The following SLC36A1 variants were observed in gnomAD, a reference collection of about 807,000 sequenced individuals.
SLC36A1 encodes solute carrier family 36 member 1, also known as proton-coupled amino acid transporter 1.
SLC36A1 carries 30 observed loss-of-function variants against 47.5 expected under a neutral mutation model. That is an observed-to-expected ratio of 0.63 (90% confidence interval 0.47 to 0.86). SLC36A1 has a LOEUF of 0.86. Among genes scored for constraint, SLC36A1 ranks in the 40% least tolerant of loss-of-function variants. The pLI is 0.00. For missense variants in SLC36A1, 517 were observed against 606.0 expected, an observed-to-expected ratio of 0.85 and a Z score of 1.54; for synonymous variants, 255 against 249.7, an observed-to-expected ratio of 1.02 and a Z score of -0.20.
chr5:151,350,632 A>AT, the SLC36A1 span, among the ~76,000 whole-genome samples: 1 of 145,578 alleles, frequency 6.9e-6, no homozygotes, highest in Admixed American at 6.8e-5. Flanking sequence ...AAATATCACC[A>AT]TTAAAAAAAA....
chr5:151,544,153 T>C, the SLC36A1 span: 3,493 of 1,614,214 alleles, frequency 2.2e-3, 9 homozygotes, highest in Non-Finnish European at 2.7e-3. Flanking sequence ...TGTGCTCCCA[T>C]TGATCTGGAA....
the SLC36A1 span, chr5:151,512,194 C>T: frequency 6.2e-7 from 1 of 1,614,126 alleles, no homozygotes. This position sits in a 1 kb window ranked among gnomAD's most constrained non-coding sequence, Gnocchi z 4.1. Flanking sequence ...GCACTTCCCA[C>T]CATTGAGGCA....
chr5:151,540,656 C>T, the SLC36A1 span: 1 of 1,614,230 alleles, frequency 6.2e-7, no homozygotes, highest in Non-Finnish European at 8.5e-7. Flanking sequence ...GATGCTGTGA[C>T]TCTGAGCAAG....
At chr5:151,457,279 T>C (rs1451631338) in intron 1 of SLC36A1, among the ~76,000 whole-genome samples, 2 of 151,980 alleles carry the variant, frequency 1.3e-5, no homozygotes, top group Non-Finnish European at 2.9e-5. Context: ...TCTTTTAGCA[T>C]TGATTCTTCA....
At chr5:151,424,867 T>C in the SLC36A1 span, among the ~76,000 whole-genome samples, 2 of 152,114 alleles carry the variant, frequency 1.3e-5, no homozygotes, top group African/African-American at 4.8e-5. Flanking sequence ...CAGAAAGTTT[T>C]TAGGGGCAAT....
chr5:151,513,697 A>T, the SLC36A1 span, among the ~76,000 whole-genome samples: 2 of 152,200 alleles, frequency 1.3e-5, no homozygotes, highest in Admixed American at 1.3e-4. Context: ...CCTATGATAC[A>T]TCGGTTACCC....
chr5:151,446,576 T>A (rs1752934798), upstream of SLC36A1, among the ~76,000 whole-genome samples: 1 of 152,166 alleles, frequency 6.6e-6, no homozygotes, highest in African/African-American at 2.4e-5. Flanking sequence ...TATTTGTGAA[T>A]TTTCCAAGAT....
the SLC36A1 span, among the ~76,000 whole-genome samples, chr5:151,503,075 G>A: frequency 6.8e-6 from 1 of 148,144 alleles, no homozygotes; most frequent in Non-Finnish European, 1.5e-5. Flanking sequence ...AGGGGTTAGG[G>A]GGCAGGAGGG....
chr5:151,544,050 G>T, the SLC36A1 span: 6 of 1,614,102 alleles, frequency 3.7e-6, no homozygotes, highest in Non-Finnish European at 4.2e-6. Context: ...TTTCACCAGT[G>T]AGTGGGGGAT....
the SLC36A1 span, among the ~76,000 whole-genome samples, chr5:151,395,897 C>T: frequency 6.6e-6 from 1 of 152,128 alleles, no homozygotes; most frequent in Non-Finnish European, 1.5e-5. Context: ...GCAACCTCCA[C>T]CTCCCGAGTT....
At chr5:151,500,402 C>T in the SLC36A1 span, among the ~76,000 whole-genome samples, 2 of 152,192 alleles carry the variant, frequency 1.3e-5, no homozygotes, top group East Asian at 1.9e-4. Context: ...GAATCTCGTT[C>T]TGTCACCCAG....
At chr5:151,464,192 C>T (rs927619510) in intron 3 of SLC36A1, among the ~76,000 whole-genome samples, 3 of 152,214 alleles carry the variant, frequency 2.0e-5, no homozygotes, top group African/African-American at 7.2e-5. Flanking sequence ...CGTCTCACCT[C>T]ACATCCCTTA....
At chr5:151,456,469 C>T (rs184570148) in intron 1 of SLC36A1, among the ~76,000 whole-genome samples, 575 of 152,310 alleles carry the variant, frequency 3.8e-3, no homozygotes, top group Admixed American at 5.9e-3. Context: ...GCCTGGGCCT[C>T]CTGACATACC....
intron 9 of SLC36A1, 127 bp downstream of exon 9, chr5:151,476,883 G>T (rs772122570): frequency 1.7e-6 from 2 of 1,169,192 alleles, no homozygotes; most frequent in Admixed American, 2.0e-5. Context: ...ACCATCCCCT[G>T]CCACTGCCAG....
rs1229376371 is a variant in SLC36A1, at chr5:151,466,044, C to T, written c.419+875C>T. On this transcript the variant is annotated intron_variant, in intron 5 of 10. Coordinates refer to ENST00000243389, the MANE Select transcript of SLC36A1 (RefSeq NM_078483.4). ...ACTTTCATTCATAGTCACCTTTATC[C>T]TGTGATGCAGATTATATAGTTCTTT... Among the ~76,000 whole-genome samples, 3 of 151,332 alleles carry T rather than the reference C, an allele frequency of 2.0e-5. No individual in the cohort carries two copies. The East Asian group carries it at 5.8e-4, about 29-fold the overall frequency.
the SLC36A1 span, among the ~76,000 whole-genome samples, chr5:151,403,102 C>T: frequency 7.4e-3 from 1,127 of 152,004 alleles, 18 homozygotes; most frequent in African/African-American, 0.026. Context: ...AATGTTAGAG[C>T]GTTAATTTGA....
chr5:151,393,899 A>T, the SLC36A1 span, among the ~76,000 whole-genome samples: 2 of 152,108 alleles, frequency 1.3e-5, no homozygotes, highest in African/African-American at 4.8e-5. Flanking sequence ...GTTCTTCTCG[A>T]GGAGTATCTT....
At chr5:151,511,665 G>A in the SLC36A1 span, 1 of 162,356 alleles carries the variant, frequency 6.2e-6, no homozygotes, top group South Asian at 1.7e-4. Flanking sequence ...GCTCATGGCA[G>A]CATTGACAGA....
the SLC36A1 span, among the ~76,000 whole-genome samples, chr5:151,352,604 T>C: frequency 6.6e-6 from 1 of 152,256 alleles, no homozygotes; most frequent in South Asian, 2.1e-4. Flanking sequence ...CCAGCAGGGC[T>C]ATGCTTCCTC....
Sources: gnomAD v4.1 joint callset for allele counts (sites outside exome capture counted in the v4.1 genomes callset) on GRCh38, gnomAD v4.1.1 for gene constraint, Gnocchi (gnomAD v3.1) non-coding constraint, MANE v1.5 for transcripts, NCBI Gene and HGNC (gene_info 2026-07-23, HGNC 2026-07-21) for gene names.